The following PTPN12 variants were observed in gnomAD, a reference collection of about 807,000 sequenced individuals.
The protein encoded by PTPN12 is tyrosine-protein phosphatase non-receptor type 12.
In PTPN12, 29 loss-of-function variants were observed where a neutral mutation model predicts 97.6. That is an observed-to-expected ratio of 0.30 (90% confidence interval 0.22 to 0.41). The LOEUF is 0.41. Among genes scored for constraint, PTPN12 ranks in the 10% least tolerant of loss-of-function variants. The pLI is 1.00. For synonymous variants in PTPN12, 327 were observed against 300.4 expected (o/e 1.09, Z -0.91); for missense variants, 819 against 926.0 (o/e 0.88, Z 1.50).
intron 11 of PTPN12, among the ~76,000 whole-genome samples, chr7:77,616,877 G>C (rs1402512068): frequency 6.6e-6 from 1 of 152,062 alleles, no homozygotes; most frequent in African/African-American, 2.4e-5. Context: ...CTGCCTCTCA[G>C]GTTCAAGTGA....
At chr7:77,585,456 A>G in intron 4 of PTPN12, 87 bp from the exon 5 acceptor site, 1 of 1,216,886 alleles carries the variant, frequency 8.2e-7, no homozygotes, top group Non-Finnish European at 1.2e-6. Context: ...TCTCGGTGCA[A>G]AATTCTTGAA....
At chr7:77,583,497 T>A (rs1584144522) in intron 3 of PTPN12, 58 bp from the exon 4 acceptor site, 1 of 1,043,900 alleles carries the variant, frequency 9.6e-7, no homozygotes, top group East Asian at 2.4e-5. Context: ...ATATTTTGGG[T>A]AATGAAATAT....
chr7:77,537,565 C>G lies in PTPN12; in HGVS notation c.19C>G (p.Leu7Val). The part of the protein sequence containing the change: MEQVEI[L>V]RKFIQRVQAM... ...CGGGAGGATGGAGCAAGTGGAGATCCTGAGGAAATTCATCCAGAGGGTCCA... is the reference window on the plus strand; with the variant it reads ...CGGGAGGATGGAGCAAGTGGAGATCGTGAGGAAATTCATCCAGAGGGTCCA... Residue 7 changes from leucine (L) to valine (V), a missense_variant, in exon 1 of 18, where the codon CTG (leucine) becomes GTG (valine). Leu to Val is a conservative substitution (Grantham distance 32). Transcript: ENST00000248594. 1 of 1,599,664 alleles carries G rather than the reference C, an allele frequency of 6.3e-7. No homozygotes were observed.
intron 1 of PTPN12, among the ~76,000 whole-genome samples, chr7:77,553,288 C>T (rs531815852): frequency 3.3e-5 from 5 of 152,260 alleles, no homozygotes; most frequent in East Asian, 3.9e-4. Context: ...AGTCTATAGA[C>T]GTGCATTATA....
chr7:77,598,623 C>T (rs968307955), intron 7 of PTPN12, among the ~76,000 whole-genome samples: 15 of 151,872 alleles, frequency 9.9e-5, no homozygotes, highest in Non-Finnish European at 1.6e-4. Flanking sequence ...ACAGAGGTTG[C>T]AATAAGCCGA....
At chr7:77,559,404 G>A (rs1807892393) in intron 1 of PTPN12, among the ~76,000 whole-genome samples, 1 of 152,154 alleles carries the variant, frequency 6.6e-6, no homozygotes, top group Admixed American at 6.6e-5. Context: ...TTTTTTACAT[G>A]TGTGTATTAT....
intron 2 of PTPN12, among the ~76,000 whole-genome samples, chr7:77,573,777 T>C (rs1390668991): frequency 6.6e-6 from 1 of 152,374 alleles, no homozygotes; most frequent in East Asian, 1.9e-4. Context: ...TTCTTTGTTT[T>C]TGAAACGGTG....
intron 1 of PTPN12, among the ~76,000 whole-genome samples, chr7:77,560,471 A>G (rs1368432763): frequency 6.6e-6 from 1 of 152,222 alleles, no homozygotes; most frequent in African/African-American, 2.4e-5. Flanking sequence ...ACATTGTTGT[A>G]TAACCAATCT....
intron 1 of PTPN12, among the ~76,000 whole-genome samples, chr7:77,559,251 A>G (rs1039938129): frequency 6.6e-6 from 1 of 152,184 alleles, no homozygotes; most frequent in African/African-American, 2.4e-5. Flanking sequence ...AGGATTTTTG[A>G]AAGCTTGTGC....
chr7:77,538,144 G>T, intron 1 of PTPN12: 1 of 982,148 alleles, frequency 1.0e-6, no homozygotes, highest in South Asian at 4.6e-5. Flanking sequence ...GCTCTAGCTG[G>T]TCTCAAAGCG....
Position 77,582,860 on chromosome 7 carries a change from T to A in PTPN12, c.286-695T>A, listed in dbSNP as rs1380509527. Among the ~76,000 whole-genome samples the A allele has an allele frequency of 3.3e-5, 5 of 151,980 alleles. No individual in the cohort carries two copies. The East Asian group carries it at 5.8e-4, about 18-fold the overall frequency. On this transcript the variant is annotated intron_variant, in intron 3 of 17. Coordinates refer to ENST00000248594, the MANE Select transcript of PTPN12 (RefSeq NM_002835.4). ...CAGCAGTCATGGTTTTAAATAAAAA[T>A]TTCTTTTTTTAACAAAGTTAAAAAC...
At chr7:77,538,880 T>C (rs1335066769) in intron 1 of PTPN12, 2 of 152,064 alleles carry the variant, frequency 1.3e-5, no homozygotes, top group East Asian at 1.9e-4. Context: ...AGTGGGACTT[T>C]GGGAAGTGGT....
chr7:77,586,402 G>T (rs1160744587), intron 5 of PTPN12, among the ~76,000 whole-genome samples: 1 of 152,112 alleles, frequency 6.6e-6, no homozygotes, highest in African/African-American at 2.4e-5. Flanking sequence ...TAAAGGTTGG[G>T]GTAGCTGTGG....
At chr7:77,615,126 A>G (rs138722584) in intron 11 of PTPN12, among the ~76,000 whole-genome samples, 352 of 152,256 alleles carry the variant, frequency 2.3e-3, no homozygotes, top group Middle Eastern at 3.4e-3. Context: ...TCTTGTGTGT[A>G]AAGGACACCG....
chr7:77,578,850 G>A lies in PTPN12; in HGVS notation c.209-2577G>A, dbSNP rs556312125. On this transcript the variant is annotated intron_variant, in intron 2 of 17. Transcript: ENST00000248594. ...CTTTAGGATTTCATAATCTGAAAGC[G>A]TCTAACCTCAAATACTTACTAACTA... 1.2e-4 allele frequency among the ~76,000 whole-genome samples: 19 copies of A among 152,194 alleles called. No homozygotes were observed. In the South Asian group the frequency reaches 3.3e-3, roughly 27 times the overall value.
chr7:77,613,032 A>G (rs1476561036), intron 11 of PTPN12, among the ~76,000 whole-genome samples: 1 of 151,780 alleles, frequency 6.6e-6, no homozygotes. Context: ...CAGCCTCCCA[A>G]AGTGCTAGGA....
At chr7:77,596,565 A>G (rs1208392122) in intron 6 of PTPN12, among the ~76,000 whole-genome samples, 2 of 152,060 alleles carry the variant, frequency 1.3e-5, no homozygotes, top group South Asian at 2.1e-4. Flanking sequence ...CTTACGCCTC[A>G]ATGTCCAGCT....
intron 1 of PTPN12, among the ~76,000 whole-genome samples, chr7:77,568,102 A>G (rs369126983): frequency 4.6e-5 from 7 of 152,328 alleles, no homozygotes; most frequent in Middle Eastern, 3.4e-3. Flanking sequence ...TAAGAACACT[A>G]TTGTAGATTT....
At position 77,639,317 on chromosome 7, in the gene PTPN12, A is replaced by G. The variant is rs1254512380; in HGVS notation, c.*37A>G. On this transcript the variant is annotated 3_prime_UTR_variant, in exon 18 of 18. Coordinates refer to ENST00000248594, the MANE Select transcript of PTPN12 (RefSeq NM_002835.4). ...AGAAGACACTTTAAGTTATACTGGA[A>G]AATTCAGGTGCCACTGAAAGCCAGA... The G allele has an allele frequency of 4.5e-6, 7 of 1,549,336 alleles. No homozygotes were observed. Among genetic ancestry groups the G allele is most frequent in the Admixed American group, 1.7e-5 (1 of 57,910 alleles).
Sources: gnomAD v4.1 joint callset for allele counts (sites outside exome capture counted in the v4.1 genomes callset) on GRCh38, gnomAD v4.1.1 for gene constraint, MANE v1.5 for transcripts, NCBI Gene and HGNC (gene_info 2026-07-23, HGNC 2026-07-21) for gene names.